SEPTIN9: variants seen among roughly 807,000 people sequenced by gnomAD.
SEPTIN9 encodes the protein septin-9.
SEPTIN9 carries 13 observed loss-of-function variants against 56.6 expected under a neutral mutation model. The ratio of observed to expected loss-of-function variants is 0.23; its 90% CI spans 0.15 to 0.37. SEPTIN9 has a LOEUF of 0.37. Among genes scored for constraint, SEPTIN9 ranks in the 10% least tolerant of loss-of-function variants. The probability of loss-of-function intolerance (pLI) is 1.00; values close to 1 mark genes in which losing one functional copy is unlikely to be tolerated. For synonymous variants in SEPTIN9, 332 were observed against 334.1 expected, an observed-to-expected ratio of 0.99 and a Z score of 0.07; for missense variants, 650 against 823.1, an observed-to-expected ratio of 0.79 and a Z score of 2.57.
Position 77,319,993 on chromosome 17 carries a change from G to A in SEPTIN9, c.76+12796G>A, listed in dbSNP as rs572455535. On this transcript the variant is annotated intron_variant, in intron 2 of 11. Transcript: ENST00000427177. The surrounding 1 kb of genome is among the most constrained non-coding windows in gnomAD (Gnocchi z 5.3). Reference sequence around the variant, plus strand: ...TGGGACTCTCGCAGGCAGACCCGGTGGTCTGCCGGACTCCTCGGGGCCCAC... The same window carrying A: ...TGGGACTCTCGCAGGCAGACCCGGTAGTCTGCCGGACTCCTCGGGGCCCAC... The A allele has an allele frequency of 2.4e-6, 3 of 1,241,726 alleles. No homozygotes were observed. In the South Asian group the frequency reaches 6.6e-5, roughly 27 times the overall value. The allele number at this position is 1,241,726 out of a possible 1,614,324, so 76.9% of individuals were successfully genotyped here.
At chr17:77,467,977 G>A (rs1771195029) in intron 3 of SEPTIN9, among the ~76,000 whole-genome samples, 2 of 152,134 alleles carry the variant, frequency 1.3e-5, no homozygotes, top group African/African-American at 2.4e-5. Context: ...AAGAACTGAG[G>A]GACCTAGGCT....
At chr17:77,321,412 TTC>T (rs1429754656) in intron 2 of SEPTIN9, among the ~76,000 whole-genome samples, 2 of 151,580 alleles carry the variant, frequency 1.3e-5, no homozygotes, top group African/African-American at 2.4e-5. Context: ...TTTTTTTTTT[TTC>T]TTTGAGACGG....
At position 77,398,527 on chromosome 17, in the gene SEPTIN9, T is replaced by C. The variant is rs959811063; in HGVS notation, c.77-3532T>C. Reference sequence around the variant, plus strand: ...GAGGAGGAGGCGGTGGCATGCTCGTTTGGGGGGATGGCGTGAGCCAGGGTG... The same window carrying C: ...GAGGAGGAGGCGGTGGCATGCTCGTCTGGGGGGATGGCGTGAGCCAGGGTG... On this transcript the variant is annotated intron_variant, in intron 2 of 11. Coordinates refer to ENST00000427177, the MANE Select transcript of SEPTIN9 (RefSeq NM_001113491.2). 4.0e-5 allele frequency among the ~76,000 whole-genome samples: 6 copies of C among 151,886 alleles called. 1 individual carries two copies. Among genetic ancestry groups the C allele is most frequent in the Non-Finnish European group, 8.8e-5 (6 of 67,946 alleles).
chr17:77,386,361 C>T (rs533545281), intron 2 of SEPTIN9, among the ~76,000 whole-genome samples: 2 of 152,222 alleles, frequency 1.3e-5, no homozygotes, highest in Admixed American at 6.5e-5. Flanking sequence ...CCACGCTGTC[C>T]GGGAAGGGCG....
chr17:77,355,821 A>G (rs1208199118), intron 2 of SEPTIN9, among the ~76,000 whole-genome samples: 1 of 151,436 alleles, frequency 6.6e-6, no homozygotes, highest in Non-Finnish European at 1.5e-5. Flanking sequence ...TCTCTACTAA[A>G]AATACAAAAA....
At chr17:77,348,291 T>A (rs1308522088) in intron 2 of SEPTIN9, among the ~76,000 whole-genome samples, 3 of 131,250 alleles carry the variant, frequency 2.3e-5, no homozygotes, top group African/African-American at 8.7e-5. Flanking sequence ...TATTTTAATT[T>A]ATGTTTTTTT....
chr17:77,289,172 C>T (rs1460021094), intron 1 of SEPTIN9, among the ~76,000 whole-genome samples: 2 of 152,228 alleles, frequency 1.3e-5, no homozygotes, highest in Non-Finnish European at 2.9e-5. Context: ...TCTTGGCTCA[C>T]TGCAACCTCT....
In SEPTIN9 at chr17:77,475,426, G is replaced by T; in HGVS notation, c.722-6718G>T. 1 of 1,497,310 alleles carries T rather than the reference G, an allele frequency of 6.7e-7. No individual in the cohort carries two copies. Among genetic ancestry groups the T allele is most frequent in the Non-Finnish European group, 8.9e-7 (1 of 1,127,442 alleles). 92.8% of individuals were successfully genotyped at this position (1,497,310 alleles called of 1,614,324 possible). On this transcript the variant is annotated intron_variant, in intron 3 of 11. Coordinates refer to ENST00000427177, the MANE Select transcript of SEPTIN9 (RefSeq NM_001113491.2). The surrounding 1 kb of genome is among the most constrained non-coding windows in gnomAD (Gnocchi z 4.6). ...GCCCTGGCCGGACACTGTCCTCCTAGCATTGCCTGCATCAGGGACTCACTC... is the reference window on the plus strand; with the variant it reads ...GCCCTGGCCGGACACTGTCCTCCTATCATTGCCTGCATCAGGGACTCACTC...
intron 2 of SEPTIN9, among the ~76,000 whole-genome samples, chr17:77,350,907 G>A (rs2034040268): frequency 1.3e-5 from 2 of 152,096 alleles, no homozygotes; most frequent in South Asian, 2.1e-4. Flanking sequence ...ACCCTGCAGA[G>A]TGAAAGACAA....
intron 2 of SEPTIN9, among the ~76,000 whole-genome samples, chr17:77,312,558 C>A (rs1404855343): frequency 6.6e-6 from 1 of 152,170 alleles, no homozygotes; most frequent in Non-Finnish European, 1.5e-5. Context: ...TTGGTTATTT[C>A]TGTGTCCTCC....
intron 3 of SEPTIN9, chr17:77,470,906 A>C (rs570705761): frequency 1.3e-5 from 2 of 152,340 alleles, no homozygotes; most frequent in South Asian, 4.1e-4. Context: ...CAGTCCAGGT[A>C]GGCTGCCTGC....
At chr17:77,447,571 A>G (rs1282910482) in intron 3 of SEPTIN9, among the ~76,000 whole-genome samples, 2 of 152,236 alleles carry the variant, frequency 1.3e-5, no homozygotes, top group South Asian at 2.1e-4. Flanking sequence ...ACAGTAATTG[A>G]TATCTTTGGA....
rs2033185097 is a variant in SEPTIN9, at chr17:77,327,501, G to A, written c.76+20304G>A. Among the ~76,000 whole-genome samples, 3 of 152,228 alleles carry A rather than the reference G, an allele frequency of 2.0e-5. No individual in the cohort carries two copies. The highest frequency in any genetic ancestry group is 2.9e-5 in the Non-Finnish European group (2 of 68,038). ...CCTGACTTGGAGCCTGAGGGTCCCTGAGGGGGTCCTGAAGGCCAGGGCAGG... is the reference window on the plus strand; with the variant it reads ...CCTGACTTGGAGCCTGAGGGTCCCTAAGGGGGTCCTGAAGGCCAGGGCAGG... On this transcript the variant is annotated intron_variant, in intron 2 of 11. Coordinates refer to ENST00000427177, the MANE Select transcript of SEPTIN9 (RefSeq NM_001113491.2). This position sits in a 1 kb window ranked among gnomAD's most constrained non-coding sequence, Gnocchi z 5.0.
At chr17:77,324,455 G>A (rs2033057538) in intron 2 of SEPTIN9, among the ~76,000 whole-genome samples, 1 of 152,072 alleles carries the variant, frequency 6.6e-6, no homozygotes, top group African/African-American at 2.4e-5. Flanking sequence ...GTGAGGTGTC[G>A]GGGTCGGGCT....
chr17:77,448,724 A>G (rs936951898), intron 3 of SEPTIN9, among the ~76,000 whole-genome samples: 4 of 152,122 alleles, frequency 2.6e-5, no homozygotes, highest in African/African-American at 9.7e-5. Context: ...CTGTTAAGTG[A>G]ATGATATTAA....
chr17:77,382,481 G>A (rs2035179677), intron 2 of SEPTIN9, among the ~76,000 whole-genome samples: 2 of 152,330 alleles, frequency 1.3e-5, no homozygotes, highest in South Asian at 2.1e-4. Flanking sequence ...GCAGCCAAGC[G>A]GGGTGCACCG....
intron 2 of SEPTIN9, among the ~76,000 whole-genome samples, chr17:77,316,990 G>T (rs960372943): frequency 1.3e-5 from 2 of 152,192 alleles, no homozygotes; most frequent in South Asian, 2.1e-4. Context: ...AGGGATTAAA[G>T]AAACAAACCA....
chr17:77,370,459 T>A (rs557904301), intron 2 of SEPTIN9, among the ~76,000 whole-genome samples: 3 of 152,324 alleles, frequency 2.0e-5, no homozygotes, highest in East Asian at 3.9e-4. Context: ...CCTAAATTCT[T>A]TCTGCAGAGA....
intron 3 of SEPTIN9, among the ~76,000 whole-genome samples, chr17:77,457,377 A>G (rs953937049): frequency 2.0e-5 from 3 of 152,134 alleles, no homozygotes; most frequent in African/African-American, 7.2e-5. Context: ...CATCTCCCCA[A>G]GTCTCCCCTA....
Sources: gnomAD v4.1 joint callset for allele counts (sites outside exome capture counted in the v4.1 genomes callset) on GRCh38, gnomAD v4.1.1 for gene constraint, Gnocchi (gnomAD v3.1) non-coding constraint, MANE v1.5 for transcripts, NCBI Gene and HGNC (gene_info 2026-07-23, HGNC 2026-07-21) for gene names.